ZNF385B: variants seen among roughly 807,000 people sequenced by gnomAD.
ZNF385B encodes zinc finger protein 533.
A neutral mutation model predicts 39.2 loss-of-function variants in ZNF385B; 23 were observed. The observed-to-expected ratio is 0.59, with a 90% CI of 0.42 to 0.83. The LOEUF (loss-of-function observed/expected upper bound fraction) is 0.83, where lower values mean the gene tolerates loss of function less well. ZNF385B is among the 40% of genes least tolerant of loss of function. The pLI, the probability that ZNF385B is intolerant of heterozygous loss-of-function variation, is 0.00. For missense variants in ZNF385B, 552 were observed against 598.9 expected (o/e 0.92, Z 0.82); for synonymous variants, 205 against 222.6 (o/e 0.92, Z 0.70).
At chr2:179,608,290 C>T (rs768796635) in intron 3 of ZNF385B, among the ~76,000 whole-genome samples, 49 of 151,808 alleles carry the variant, frequency 3.2e-4, no homozygotes, top group African/African-American at 7.5e-4. Flanking sequence ...CAGAGCTGGA[C>T]TTAGTAATCC....
intron 3 of ZNF385B, among the ~76,000 whole-genome samples, chr2:179,762,872 C>G (rs1703481028): frequency 6.6e-6 from 1 of 152,080 alleles, no homozygotes; most frequent in East Asian, 1.9e-4. Flanking sequence ...TATTTGATGG[C>G]TATAGGCCTA....
At chr2:179,646,201 G>T (rs1383558947) in intron 3 of ZNF385B, among the ~76,000 whole-genome samples, 2 of 152,182 alleles carry the variant, frequency 1.3e-5, no homozygotes, top group Non-Finnish European at 2.9e-5. Context: ...GATCACCTGA[G>T]GTCAGTAGTT....
chr2:179,588,243 C>T (rs1647762693), intron 3 of ZNF385B, among the ~76,000 whole-genome samples: 2 of 152,146 alleles, frequency 1.3e-5, no homozygotes, highest in African/African-American at 2.4e-5. Context: ...CGCCCGCCAC[C>T]ATGCCCGGCT....
intron 1 of ZNF385B, chr2:179,814,213 G>T: frequency 5.6e-6 from 1 of 179,068 alleles, no homozygotes. Context: ...GCCCTCATTG[G>T]CACCTGGCCT....
intron 1 of ZNF385B, among the ~76,000 whole-genome samples, chr2:179,856,035 T>C (rs1305690647): frequency 6.6e-6 from 1 of 152,070 alleles, no homozygotes; most frequent in African/African-American, 2.4e-5. Flanking sequence ...CCATCCAGGC[T>C]GGAAAGGGGG....
intron 3 of ZNF385B, among the ~76,000 whole-genome samples, chr2:179,621,329 A>C (rs76779705): frequency 1.7e-4 from 26 of 152,346 alleles, no homozygotes; most frequent in African/African-American, 6.0e-4. Flanking sequence ...AGGTCTTTAT[A>C]AATTTTACAT....
rs182646641 is a variant in ZNF385B, at chr2:179,488,623, C to T, written c.553-5189G>A. Among the ~76,000 whole-genome samples the T allele has an allele frequency of 1.2e-3, 189 of 151,848 alleles. 1 individual carries two copies. Among genetic ancestry groups the T allele is most frequent in the African/African-American group, 4.3e-3 (179 of 41,468 alleles). On this transcript the variant is annotated intron_variant, in intron 5 of 9. Transcript: ENST00000410066. ...CCTATATATTTACCAATAGAACCAA[C>T]CTTTTTTTGCATTTTAAAAAGTAAT...
At position 179,595,770 on chromosome 2, in the gene ZNF385B, A is replaced by G. The variant is rs115034770; in HGVS notation, c.299-50801T>C. 9.6e-3 allele frequency among the ~76,000 whole-genome samples: 1,450 copies of G among 151,098 alleles called. 31 individuals carry two copies. Among genetic ancestry groups the G allele is most frequent in the African/African-American group, 0.032 (1,337 of 41,224 alleles). On this transcript the variant is annotated intron_variant, in intron 3 of 9. Transcript: ENST00000410066. Reference sequence around the variant, plus strand: ...TGCAACCCACCCCCAAGTAGCTGGAACCACAAGCACATTAGGCACGTTATC... The same window carrying G: ...TGCAACCCACCCCCAAGTAGCTGGAGCCACAAGCACATTAGGCACGTTATC...
chr2:179,713,709 A>G (rs997866994), intron 3 of ZNF385B, among the ~76,000 whole-genome samples: 4 of 152,204 alleles, frequency 2.6e-5, no homozygotes, highest in African/African-American at 7.2e-5. Context: ...TAGGTTCTTA[A>G]TAAGTATTAA....
At chr2:179,494,953 C>A (rs949605339) in intron 5 of ZNF385B, among the ~76,000 whole-genome samples, 1 of 151,896 alleles carries the variant, frequency 6.6e-6, no homozygotes, top group Non-Finnish European at 1.5e-5. Context: ...AGCTACAGGG[C>A]AAAATTCCTT....
intron 4 of ZNF385B, among the ~76,000 whole-genome samples, chr2:179,533,270 G>A (rs909280716): frequency 8.5e-5 from 13 of 152,116 alleles, no homozygotes; most frequent in African/African-American, 2.9e-4. Context: ...TTTTCTGAGG[G>A]AACTGATGTA....
rs1392084185 is a variant in ZNF385B, at chr2:179,548,444, C to A, written c.299-3475G>T. 4.0e-5 allele frequency among the ~76,000 whole-genome samples: 6 copies of A among 149,496 alleles called. No homozygotes were observed. The East Asian group carries it at 1.2e-3, about 29-fold the overall frequency. On this transcript the variant is annotated intron_variant, in intron 3 of 9. Coordinates refer to ENST00000410066, the MANE Select transcript of ZNF385B (RefSeq NM_152520.6). ...TTGTTTGTTTGTTTTAATATAACAA[C>A]TTTATTGAGGTATAACTCATATACC... is the stretch of plus-strand genomic sequence containing the variant.
intron 3 of ZNF385B, among the ~76,000 whole-genome samples, chr2:179,688,303 T>G (rs778112794): frequency 2.0e-5 from 3 of 152,118 alleles, no homozygotes; most frequent in Non-Finnish European, 2.9e-5. Context: ...TGGATCCTTT[T>G]CAGAATATTC....
At chr2:179,503,576 A>G (rs1241536383) in intron 5 of ZNF385B, among the ~76,000 whole-genome samples, 2 of 152,230 alleles carry the variant, frequency 1.3e-5, no homozygotes, top group Non-Finnish European at 2.9e-5. Context: ...GACATTCATC[A>G]TTTGCTCAAC....
Position 179,443,093 on chromosome 2 carries a change from G to C in ZNF385B, c.*157C>G, listed in dbSNP as rs1375134580. The C allele has an allele frequency of 1.3e-6, 1 of 793,182 alleles. No individual in the cohort carries two copies. Among genetic ancestry groups the C allele is most frequent in the Non-Finnish European group, 2.1e-6 (1 of 470,040 alleles). The allele number at this position is 793,182 out of a possible 1,614,324, so 49.1% of individuals were successfully genotyped here. On this transcript the variant is annotated 3_prime_UTR_variant, in exon 10 of 10. Transcript: ENST00000410066. ...GTCTCTAAAAGCCCTCGTCAATCTA[G>C]TGATGTGTTTCTCTCTGGAATTGGG...
At chr2:179,752,692 T>C (rs528980429) in intron 3 of ZNF385B, among the ~76,000 whole-genome samples, 523 of 152,268 alleles carry the variant, frequency 3.4e-3, no homozygotes, top group South Asian at 7.7e-3. Flanking sequence ...CCAGTGATGA[T>C]GAGCATTTTT....
chr2:179,662,066 T>C (rs934718244), intron 3 of ZNF385B, among the ~76,000 whole-genome samples: 4 of 152,230 alleles, frequency 2.6e-5, no homozygotes, highest in East Asian at 1.9e-4. Context: ...GTGTGGGATA[T>C]AGATTTGTTA....
chr2:179,594,030 T>TAC (rs77433993), intron 3 of ZNF385B, among the ~76,000 whole-genome samples: 16,461 of 151,942 alleles, frequency 0.11, 1,061 homozygotes, highest in Middle Eastern at 0.2. Flanking sequence ...TCTTTCAACT[T>TAC]TGTAAAAGAA....
chr2:179,804,774 G>GT (rs1403165339), intron 1 of ZNF385B, among the ~76,000 whole-genome samples: 2 of 152,158 alleles, frequency 1.3e-5, no homozygotes, highest in African/African-American at 4.8e-5. Context: ...TACATCCCTT[G>GT]TGACTCCACA....
Sources: gnomAD v4.1 joint callset for allele counts (sites outside exome capture counted in the v4.1 genomes callset) on GRCh38, gnomAD v4.1.1 for gene constraint, MANE v1.5 for transcripts, NCBI Gene and HGNC (gene_info 2026-07-23, HGNC 2026-07-21) for gene names.